SLC36A1: variants seen among roughly 807,000 people sequenced by gnomAD.
The protein encoded by SLC36A1 is proton-coupled amino acid transporter 1.
SLC36A1 carries 30 observed loss-of-function variants against 47.5 expected under a neutral mutation model. That is an observed-to-expected ratio of 0.63 (90% confidence interval 0.47 to 0.86). The LOEUF (loss-of-function observed/expected upper bound fraction) is 0.86. Ranked by LOEUF, SLC36A1 falls within the 40% of genes least tolerant of loss-of-function variation. SLC36A1 has a pLI of 0.00. For missense variants in SLC36A1, 517 were observed against 606.0 expected, an observed-to-expected ratio of 0.85 and a Z score of 1.54; for synonymous variants, 255 against 249.7, an observed-to-expected ratio of 1.02 and a Z score of -0.20.
At chr5:151,540,738 G>T in the SLC36A1 span, 2 of 1,614,058 alleles carry the variant, frequency 1.2e-6, no homozygotes, top group South Asian at 2.2e-5. Flanking sequence ...CTTGGCTGAT[G>T]CCAAACTGGC....
chr5:151,464,280 CCTT>C lies in SLC36A1; in HGVS notation c.235-228_235-226del, dbSNP rs545013143. On this transcript the variant is annotated intron_variant, in intron 3 of 10. Coordinates refer to ENST00000243389, the MANE Select transcript of SLC36A1 (RefSeq NM_078483.4). Reference sequence around the variant, plus strand: ...GTCTTGGAACAGACTTATCTTATGTCCTTCTTCTCCACGTGACTAAATCTCTCG... The same window carrying C: ...GTCTTGGAACAGACTTATCTTATGTCCTTCTCCACGTGACTAAATCTCTCG... 3.9e-4 allele frequency among the ~76,000 whole-genome samples: 60 copies of C among 152,322 alleles called. 1 individual carries two copies. Among genetic ancestry groups the C allele is most frequent in the Admixed American group, 1.3e-3 (20 of 15,300 alleles).
chr5:151,344,971 T>G, the SLC36A1 span, among the ~76,000 whole-genome samples: 7 of 152,180 alleles, frequency 4.6e-5, no homozygotes, highest in South Asian at 1.5e-3. Context: ...CCAGAGGGAT[T>G]TCTTTTCTCA....
chr5:151,525,664 G>A, the SLC36A1 span: 1 of 1,312,996 alleles, frequency 7.6e-7, no homozygotes, highest in South Asian at 1.2e-5. Context: ...TGCATCCTAA[G>A]TGCTTTGTAC....
chr5:151,497,074 A>C (rs79612334), downstream of SLC36A1, among the ~76,000 whole-genome samples: 8,353 of 152,078 alleles, frequency 0.055, 701 homozygotes, highest in African/African-American at 0.19. Context: ...AGATAGATGC[A>C]TTTCTTCTTT....
intron 3 of SLC36A1, 32 bp from the exon 4 acceptor site, chr5:151,464,478 TTCTC>T (rs139642259): frequency 5.7e-6 from 9 of 1,567,758 alleles, no homozygotes; most frequent in Admixed American, 3.3e-5. Flanking sequence ...CTACCTACTT[TTCTC>T]TCTCTCTTTT....
At chr5:151,479,881 G>A (rs1227375474) in intron 10 of SLC36A1, 1 of 520,802 alleles carries the variant, frequency 1.9e-6, no homozygotes, top group African/African-American at 2.0e-5. Context: ...TCAAATAGTT[G>A]TTTTTCCACT....
At position 151,488,266 on chromosome 5, in the gene SLC36A1, C is replaced by A. The variant is rs563394655; in HGVS notation, c.*12C>A. 60 of 1,612,492 alleles carry A rather than the reference C, an allele frequency of 3.7e-5. No homozygotes were observed. Among genetic ancestry groups the A allele is most frequent in the Non-Finnish European group, 4.9e-5 (58 of 1,179,008 alleles). On this transcript the variant is annotated 3_prime_UTR_variant, in exon 11 of 11. Coordinates refer to ENST00000243389, the MANE Select transcript of SLC36A1 (RefSeq NM_078483.4). ...GTGCCTTCATATAGGGATCTGGGTT[C>A]GTCTCTGCAGCTGCCTACCCCTGCC...
At chr5:151,411,983 G>A in the SLC36A1 span, among the ~76,000 whole-genome samples, 6 of 144,882 alleles carry the variant, frequency 4.1e-5, 1 homozygote, top group Non-Finnish European at 6.1e-5. Context: ...CAAGTAAAAT[G>A]CCTGTATGTA....
the SLC36A1 span, chr5:151,543,300 G>A: frequency 6.2e-7 from 1 of 1,614,172 alleles, no homozygotes; most frequent in Non-Finnish European, 8.5e-7. Context: ...CTGCATCATA[G>A]GCCAACACCT....
chr5:151,474,687 T>G (rs1757803910), intron 8 of SLC36A1, among the ~76,000 whole-genome samples: 1 of 152,228 alleles, frequency 6.6e-6, no homozygotes, highest in South Asian at 2.1e-4. Context: ...CAGCCTTCAC[T>G]CCTGGCTCAG....
Position 151,483,815 on chromosome 5 carries a change from C to T in SLC36A1, c.1160-4168C>T, listed in dbSNP as rs375988800. ...TCCCACTTTGTGTTAGTGGGAGGCT[C>T]GCTCTTCTTGCCCTCTGCAGTGTCA... On this transcript the variant is annotated intron_variant, in intron 10 of 10. Coordinates refer to ENST00000243389, the MANE Select transcript of SLC36A1 (RefSeq NM_078483.4). Among the ~76,000 whole-genome samples the T allele has an allele frequency of 9.9e-5, 15 of 152,252 alleles. No homozygotes were observed. In the South Asian group the frequency reaches 2.3e-3, roughly 23 times the overall value.
upstream of SLC36A1, among the ~76,000 whole-genome samples, chr5:151,446,866 G>C (rs1327427163): frequency 6.6e-6 from 1 of 152,142 alleles, no homozygotes; most frequent in Non-Finnish European, 1.5e-5. Flanking sequence ...GTGGGATATT[G>C]ACCCTCCTAC....
chr5:151,488,263 G>A lies in SLC36A1; in HGVS notation c.*9G>A, dbSNP rs769943190. On this transcript the variant is annotated 3_prime_UTR_variant, in exon 11 of 11. Transcript: ENST00000243389. ...CCTGTGCCTTCATATAGGGATCTGGGTTCGTCTCTGCAGCTGCCTACCCCT... is the reference window on the plus strand; with the variant it reads ...CCTGTGCCTTCATATAGGGATCTGGATTCGTCTCTGCAGCTGCCTACCCCT... 5.0e-6 allele frequency: 8 copies of A among 1,612,770 alleles called. No homozygotes were observed. The highest frequency in any genetic ancestry group is 6.8e-6 in the Non-Finnish European group (8 of 1,179,214).
chr5:151,367,893 A>G, the SLC36A1 span, among the ~76,000 whole-genome samples: 8 of 152,170 alleles, frequency 5.3e-5, no homozygotes, highest in Admixed American at 5.2e-4. Flanking sequence ...TGTCTTGCTA[A>G]TAACTCTCTA....
chr5:151,370,511 T>C, the SLC36A1 span, among the ~76,000 whole-genome samples: 2 of 152,196 alleles, frequency 1.3e-5, no homozygotes, highest in Non-Finnish European at 2.9e-5. Flanking sequence ...CTTCCTCATA[T>C]CCACCTTGAA....
chr5:151,366,434 G>T, the SLC36A1 span: 2 of 207,812 alleles, frequency 9.6e-6, no homozygotes, highest in South Asian at 7.2e-5. Flanking sequence ...AGGTCTTGAG[G>T]CTGGATCAGC....
chr5:151,351,625 T>A, the SLC36A1 span, among the ~76,000 whole-genome samples: 1,067 of 152,304 alleles, frequency 7.0e-3, 11 homozygotes, highest in African/African-American at 0.024. Flanking sequence ...GTTTCTTTTT[T>A]CAGCAAAAGC....
At chr5:151,510,193 A>G in the SLC36A1 span, 25 of 1,613,478 alleles carry the variant, frequency 1.5e-5, no homozygotes, top group Non-Finnish European at 2.0e-5. Flanking sequence ...AAAAGAAGGG[A>G]GGTGAGAGAC....
chr5:151,474,865 G>A (rs568478611), intron 8 of SLC36A1, among the ~76,000 whole-genome samples: 4 of 152,182 alleles, frequency 2.6e-5, no homozygotes, highest in South Asian at 2.1e-4. Flanking sequence ...CTCCCGGCAC[G>A]GCACTTCTTT....
Sources: allele counts gnomAD v4.1 joint callset (sites outside exome capture counted in the v4.1 genomes callset), GRCh38; gene constraint gnomAD v4.1.1; transcripts MANE v1.5; gene names NCBI Gene and HGNC (gene_info 2026-07-23, HGNC 2026-07-21).